The following ABCA13 variants were observed in gnomAD, a reference collection of about 807,000 sequenced individuals.
The protein encoded by ABCA13 is ATP-binding cassette sub-family A member 13.
A neutral mutation model predicts 478.7 loss-of-function variants in ABCA13; 476 were observed. That is an observed-to-expected ratio of 0.99 (90% CI 0.92 to 1.07). The LOEUF is 1.07. Ranked by LOEUF, ABCA13 falls within the 50% of genes least tolerant of loss-of-function variation. The probability of loss-of-function intolerance (pLI) is 0.00; values close to 1 mark genes in which losing one functional copy is unlikely to be tolerated. For synonymous variants in ABCA13, 2,252 were observed against 2,158.9 expected (o/e 1.04, Z -1.20); for missense variants, 6,060 against 5,910.6 (o/e 1.03, Z -0.83).
At chr7:48,367,955 G>T in intron 32 of ABCA13, 47 bp downstream of exon 32, 2 of 1,459,212 alleles carry the variant, frequency 1.4e-6, no homozygotes, top group Non-Finnish European at 1.9e-6. Flanking sequence ...AGGGAGGCTG[G>T]GGACTTTGGA....
intron 44 of ABCA13, among the ~76,000 whole-genome samples, chr7:48,468,743 A>G (rs1293279254): frequency 1.3e-5 from 2 of 152,224 alleles, no homozygotes; most frequent in Non-Finnish European, 2.9e-5. Context: ...AAAATAATAC[A>G]TTAGATTCTA....
chr7:48,383,760 A>G (rs1331143154), intron 35 of ABCA13, among the ~76,000 whole-genome samples: 1 of 152,200 alleles, frequency 6.6e-6, no homozygotes, highest in African/African-American at 2.4e-5. Context: ...ACCAACCAGA[A>G]CTAACATTTC....
At chr7:48,376,112 A>T (rs963567818) in intron 34 of ABCA13, among the ~76,000 whole-genome samples, 21 of 152,166 alleles carry the variant, frequency 1.4e-4, no homozygotes, top group Admixed American at 5.2e-4. Flanking sequence ...ACTTTAAAAA[A>T]TTTTTTTGAA....
At position 48,293,256 on chromosome 7, in the gene ABCA13, C is replaced by T. The variant is rs868484736; in HGVS notation, c.8956-2444C>T. On this transcript the variant is annotated intron_variant, in intron 20 of 61. Coordinates refer to ENST00000435803, the MANE Select transcript of ABCA13 (RefSeq NM_152701.5). ...TCTGCTGGGGGGCTCCATCTTGGGG[C>T]GGCCTCCAGAGCTTAGCTCCCAACC... 3.6e-5 allele frequency among the ~76,000 whole-genome samples: 5 copies of T among 140,768 alleles called. No homozygotes were observed. The East Asian group carries it at 1.0e-3, about 28-fold the overall frequency. 92.3% of individuals were successfully genotyped at this position (140,768 alleles called of 152,430 possible).
At chr7:48,535,504 G>A (rs7778895) in intron 55 of ABCA13, among the ~76,000 whole-genome samples, 21,396 of 152,136 alleles carry the variant, frequency 0.14, 1,905 homozygotes, top group African/African-American at 0.23. Context: ...AGGAGGTGGC[G>A]CTTTCAAGAG....
At chr7:48,188,798 A>G (rs1345750640) in intron 1 of ABCA13, among the ~76,000 whole-genome samples, 1 of 152,144 alleles carries the variant, frequency 6.6e-6, no homozygotes, top group Non-Finnish European at 1.5e-5. Context: ...AGCTGTGCTG[A>G]TGGAAACATG....
chr7:48,631,857 G>C (rs1217140047), intron 59 of ABCA13, among the ~76,000 whole-genome samples: 1 of 152,004 alleles, frequency 6.6e-6, no homozygotes, highest in Non-Finnish European at 1.5e-5. Flanking sequence ...ATTAGCATTT[G>C]TAATTTTCTT....
intron 20 of ABCA13, among the ~76,000 whole-genome samples, chr7:48,295,144 C>G (rs191260546): frequency 2.0e-5 from 3 of 152,306 alleles, no homozygotes; most frequent in Admixed American, 6.5e-5. Flanking sequence ...TGCATTTCCA[C>G]CAACAGGGCA....
At position 48,376,650 on chromosome 7, in the gene ABCA13, A is replaced by G. The variant is rs1411580755; in HGVS notation, c.11335+78A>G. On this transcript the variant is annotated intron_variant, in intron 35 of 61. Transcript: ENST00000435803. ...AATTAATATGCATAAATATTAGAATAATCACTTATTCTTTAAGGAAGATCC... is the reference window on the plus strand; with the variant it reads ...AATTAATATGCATAAATATTAGAATGATCACTTATTCTTTAAGGAAGATCC... The G allele has an allele frequency of 1.0e-5, 15 of 1,438,542 alleles. No individual in the cohort carries two copies. The Admixed American group carries it at 2.9e-4, about 28-fold the overall frequency. The allele number at this position is 1,438,542 out of a possible 1,614,324, so 89.1% of individuals were successfully genotyped here. A position where few individuals can be genotyped will look rare whatever the true frequency, so the allele number is the denominator to read the frequency against.
intron 3 of ABCA13, among the ~76,000 whole-genome samples, chr7:48,201,214 A>G (rs991555080): frequency 6.6e-6 from 1 of 152,188 alleles, no homozygotes; most frequent in Non-Finnish European, 1.5e-5. Flanking sequence ...AATTTCCTTG[A>G]GCAAAGGCGT....
At chr7:48,519,450 A>G (rs1209017226) in intron 52 of ABCA13, among the ~76,000 whole-genome samples, 1 of 152,226 alleles carries the variant, frequency 6.6e-6, no homozygotes, top group East Asian at 1.9e-4. Flanking sequence ...GTGTTTACAA[A>G]TTATAGTGTT....
At chr7:48,598,243 C>T (rs1790501848) in intron 58 of ABCA13, among the ~76,000 whole-genome samples, 1 of 152,138 alleles carries the variant, frequency 6.6e-6, no homozygotes, top group South Asian at 2.1e-4. Flanking sequence ...TCTCCCATGT[C>T]TTCTCATGGC....
intron 7 of ABCA13, among the ~76,000 whole-genome samples, chr7:48,231,656 C>CTATTATTATTATTATTAT (rs151023674): frequency 6.8e-4 from 103 of 150,770 alleles, no homozygotes; most frequent in African/African-American, 2.3e-3. Flanking sequence ...GTCTCCTGAA[C>CTATTATTATTATTATTAT]TATTATTATT....
chr7:48,430,229 A>G (rs888448391), intron 42 of ABCA13, among the ~76,000 whole-genome samples: 3 of 152,192 alleles, frequency 2.0e-5, no homozygotes, highest in African/African-American at 4.8e-5. Flanking sequence ...ATGTAGGGCT[A>G]TTAGATTATC....
intron 7 of ABCA13, among the ~76,000 whole-genome samples, chr7:48,231,058 G>C (rs1191019365): frequency 6.6e-6 from 1 of 151,946 alleles, no homozygotes; most frequent in African/African-American, 2.4e-5. Flanking sequence ...TAATGCATGC[G>C]GGTCTTAAAA....
chr7:48,242,109 C>T lies in ABCA13; in HGVS notation c.1262+1043C>T, dbSNP rs115639208. On this transcript the variant is annotated intron_variant, in intron 10 of 61. Transcript: ENST00000435803. ...ATTGCACTGGGGATATTGAAAACCT[C>T]CCTGCTGGTCTGTCACTTAATGCAC... Among the ~76,000 whole-genome samples, 768 of 152,184 alleles carry T rather than the reference C, an allele frequency of 5.0e-3. 7 individuals carry two copies. Among genetic ancestry groups the T allele is most frequent in the African/African-American group, 0.018 (729 of 41,528 alleles).
intron 47 of ABCA13, among the ~76,000 whole-genome samples, chr7:48,488,501 G>A (rs965720739): frequency 2.5e-4 from 38 of 152,198 alleles, no homozygotes; most frequent in African/African-American, 7.2e-4. Flanking sequence ...TCTACCAAGC[G>A]GATTATCTGT....
chr7:48,535,197 G>A (rs1190137912), intron 55 of ABCA13, among the ~76,000 whole-genome samples: 1 of 152,154 alleles, frequency 6.6e-6, no homozygotes, highest in African/African-American at 2.4e-5. Flanking sequence ...GTCCCACAGG[G>A]TGCTCCCTTC....
Position 48,511,595 on chromosome 7 carries a change from A to C in ABCA13, c.13640+396A>C, listed in dbSNP as rs140408081. On this transcript the variant is annotated intron_variant, in intron 51 of 61. Transcript: ENST00000435803. The stretch of plus-strand genomic sequence containing the variant: ...TCTGGCATTTTTTCTCCTCTCCTCT[A>C]ATATTAGTAGTTTGAAAATGTTTTG... Among the ~76,000 whole-genome samples, 268 of 152,246 alleles carry C rather than the reference A, an allele frequency of 1.8e-3. 1 individual carries two copies. Among genetic ancestry groups the C allele is most frequent in the African/African-American group, 6.1e-3 (255 of 41,534 alleles).
Sources: gnomAD v4.1 joint callset for allele counts (sites outside exome capture counted in the v4.1 genomes callset) on GRCh38, gnomAD v4.1.1 for gene constraint, MANE v1.5 for transcripts, NCBI Gene and HGNC (gene_info 2026-07-23, HGNC 2026-07-21) for gene names.